The following SOS1 variants were observed in gnomAD, a reference collection of about 807,000 sequenced individuals.
The protein encoded by SOS1 is SOS Ras/Rac guanine nucleotide exchange factor 1, also known as son of sevenless homolog 1.
A neutral mutation model predicts 157.6 loss-of-function variants in SOS1; 25 were observed. The observed-to-expected ratio is 0.16, with a 90% CI of 0.12 to 0.22. The LOEUF is 0.22. SOS1 is among the 10% of genes least tolerant of loss of function. The pLI is 1.00. For missense variants in SOS1, 1,237 were observed against 1,599.1 expected (o/e 0.77, Z 3.86); for synonymous variants, 528 against 534.0 (o/e 0.99, Z 0.16).
chr2:39,004,271 T>C (rs1669210949), intron 17 of SOS1, among the ~76,000 whole-genome samples: 1 of 151,652 alleles, frequency 6.6e-6, no homozygotes, highest in Non-Finnish European at 1.5e-5. Flanking sequence ...AAAAAGAAAT[T>C]AGCTGGGTGT....
intron 17 of SOS1, among the ~76,000 whole-genome samples, chr2:39,004,033 C>T (rs1010348507): frequency 6.6e-6 from 1 of 152,106 alleles, no homozygotes; most frequent in Non-Finnish European, 1.5e-5. Flanking sequence ...AAAAACTGCC[C>T]CCTGCTGAGA....
At chr2:39,011,311 C>T (rs1263409325) in intron 14 of SOS1, among the ~76,000 whole-genome samples, 1 of 152,124 alleles carries the variant, frequency 6.6e-6, no homozygotes, top group African/African-American at 2.4e-5. Context: ...ATATCTTTCC[C>T]AGCACTTATA....
intron 1 of SOS1, among the ~76,000 whole-genome samples, chr2:39,090,123 G>C (rs1672536547): frequency 7.6e-6 from 1 of 132,074 alleles, no homozygotes; most frequent in Non-Finnish European, 1.6e-5. Flanking sequence ...CTGGGCAACA[G>C]AGTGAGACCC....
chr2:39,058,598 A>G (rs1384746651), intron 3 of SOS1, 75 bp downstream of exon 3: 2 of 1,477,854 alleles, frequency 1.4e-6, no homozygotes, highest in Non-Finnish European at 1.9e-6. Context: ...TATCCATAAA[A>G]TATATTCTTA....
chr2:39,043,424 T>C (rs1239042328), intron 6 of SOS1, among the ~76,000 whole-genome samples: 1 of 152,224 alleles, frequency 6.6e-6, no homozygotes, highest in Non-Finnish European at 1.5e-5. Flanking sequence ...GTTTTGATAA[T>C]GTATTCATAC....
intron 17 of SOS1, among the ~76,000 whole-genome samples, chr2:39,005,052 A>G (rs141069845): frequency 2.0e-5 from 3 of 152,310 alleles, no homozygotes; most frequent in African/African-American, 4.8e-5. Context: ...TCCAAAGGTG[A>G]TATGTTCCAG....
intron 2 of SOS1, among the ~76,000 whole-genome samples, chr2:39,066,195 T>C (rs1292743414): frequency 6.6e-6 from 1 of 152,198 alleles, no homozygotes; most frequent in African/African-American, 2.4e-5. Context: ...TTACTTTCTA[T>C]GTGTGTTGTG....
intron 1 of SOS1, among the ~76,000 whole-genome samples, chr2:39,115,264 A>G (rs945177170): frequency 5.9e-5 from 9 of 152,140 alleles, no homozygotes; most frequent in African/African-American, 1.9e-4. Flanking sequence ...ACAACCACTG[A>G]TCTGCACTAG....
At chr2:39,026,930 G>A (rs534697192) in intron 8 of SOS1, among the ~76,000 whole-genome samples, 13 of 152,276 alleles carry the variant, frequency 8.5e-5, no homozygotes, top group African/African-American at 3.1e-4. Context: ...TGGGCCGGGG[G>A]TTAGACAAGC....
chr2:39,113,926 A>G (rs1234163136), intron 1 of SOS1, among the ~76,000 whole-genome samples: 1 of 152,208 alleles, frequency 6.6e-6, no homozygotes, highest in Non-Finnish European at 1.5e-5. Context: ...AAAGGTCAGC[A>G]GCCCTTGCTA....
chr2:39,107,970 T>C (rs1673265055), intron 1 of SOS1, among the ~76,000 whole-genome samples: 1 of 152,044 alleles, frequency 6.6e-6, no homozygotes, highest in South Asian at 2.1e-4. Context: ...AAAGAGTAAA[T>C]CCCTCCTATC....
chr2:39,079,871 C>T (rs967211539), intron 1 of SOS1, among the ~76,000 whole-genome samples: 2 of 151,980 alleles, frequency 1.3e-5, no homozygotes, highest in African/African-American at 2.4e-5. Context: ...CAGTCTCCAA[C>T]CTTCTTGGCA....
At chr2:39,012,935 C>CA (rs1251974920) in intron 13 of SOS1, among the ~76,000 whole-genome samples, 3 of 152,088 alleles carry the variant, frequency 2.0e-5, no homozygotes, top group South Asian at 4.2e-4. Context: ...GCCATACACT[C>CA]ACGTAATCTT....
At chr2:39,079,851 T>C (rs1189282534) in intron 1 of SOS1, among the ~76,000 whole-genome samples, 9 of 152,104 alleles carry the variant, frequency 5.9e-5, no homozygotes, top group Admixed American at 4.6e-4. Flanking sequence ...TTCATTATTA[T>C]TTAAACCAGC....
chr2:39,078,769 G>T, intron 1 of SOS1, among the ~76,000 whole-genome samples: 1 of 152,142 alleles, frequency 6.6e-6, no homozygotes, highest in East Asian at 1.9e-4. Context: ...GTGCCAAAAA[G>T]GTTGGGGACT....
chr2:39,082,346 A>T (rs2148171961), intron 1 of SOS1, among the ~76,000 whole-genome samples: 1 of 152,346 alleles, frequency 6.6e-6, no homozygotes, highest in South Asian at 2.1e-4. Flanking sequence ...AAAGCAGAAT[A>T]AGACAAAGTT....
At chr2:39,098,769 G>T (rs1672861555) in intron 1 of SOS1, among the ~76,000 whole-genome samples, 1 of 152,020 alleles carries the variant, frequency 6.6e-6, no homozygotes, top group African/African-American at 2.4e-5. Context: ...GGCGCCTGTG[G>T]TCCCAGCTAC....
chr2:39,027,756 A>T (rs562506896), intron 8 of SOS1, among the ~76,000 whole-genome samples: 143 of 152,320 alleles, frequency 9.4e-4, no homozygotes, highest in African/African-American at 3.1e-3. Flanking sequence ...AATAGTTTTA[A>T]AAAAAGTACT....
At chr2:39,062,444 AAAG>A (rs1008955058) in intron 2 of SOS1, among the ~76,000 whole-genome samples, 4 of 150,000 alleles carry the variant, frequency 2.7e-5, no homozygotes, top group African/African-American at 9.7e-5. Flanking sequence ...TTAAAAAAAA[AAAG>A]AAAAGAAAAG....
Sources: allele counts gnomAD v4.1 joint callset (sites outside exome capture counted in the v4.1 genomes callset), GRCh38; gene constraint gnomAD v4.1.1; transcripts MANE v1.5; gene names NCBI Gene and HGNC (gene_info 2026-07-23, HGNC 2026-07-21).